The following ATP5MC2 variants were observed in gnomAD, a reference collection of about 807,000 sequenced individuals.
ATP5MC2 encodes the protein ATP synthase membrane subunit c locus 2.
A neutral mutation model predicts 13.5 loss-of-function variants in ATP5MC2; 11 were observed. The observed-to-expected ratio is 0.81, with a 90% confidence interval of 0.51 to 1.35. The LOEUF (loss-of-function observed/expected upper bound fraction) is 1.35. Ranked by LOEUF, ATP5MC2 falls within the 40% of genes most tolerant of loss-of-function variation. ATP5MC2 has a pLI of 0.00. For missense variants in ATP5MC2, 132 were observed against 175.0 expected, an observed-to-expected ratio of 0.75 and a Z score of 1.39; for synonymous variants, 64 against 69.7, an observed-to-expected ratio of 0.92 and a Z score of 0.41.
At chr12:53,680,236 T>G (rs1945333681), upstream of ATP5MC2, among the ~76,000 whole-genome samples, 1 of 152,202 alleles carries the variant, frequency 6.6e-6, no homozygotes, top group Non-Finnish European at 1.5e-5. Context: ...TCTGCCTACC[T>G]CAGCCTCCCA....
At chr12:53,669,751 G>T in intron 3 of ATP5MC2, 120 bp downstream of exon 3, 2 of 1,053,116 alleles carry the variant, frequency 1.9e-6, no homozygotes, top group Non-Finnish European at 2.9e-6. Context: ...CCATGGCCTT[G>T]GCCATTCATG....
Position 53,676,018 on chromosome 12 carries a change from C to CGA in ATP5MC2, c.-32+34_-32+35insTC, listed in dbSNP as rs749030618. 2.1e-3 allele frequency: 3,354 copies of CGA among 1,602,014 alleles called. 61 individuals are homozygous for CGA. The African/African-American group carries it at 0.04, about 19-fold the overall frequency. On this transcript the variant is annotated intron_variant, in intron 1 of 4. Coordinates refer to ENST00000394349, the MANE Select transcript of ATP5MC2 (RefSeq NM_005176.7). ...AGGTGAGGTGTCCCGCGCGCGTGCG[C>CGA]AGCGCACAGAGGGCTCTAGGTCCCA...
At position 53,669,317 on chromosome 12, in the gene ATP5MC2, A is replaced by G. The variant is rs767073937; in HGVS notation, c.142T>C (p.Cys48Arg). 8.7e-6 allele frequency: 14 copies of G among 1,613,780 alleles called. No individual in the cohort carries two copies. The highest frequency in any genetic ancestry group is 2.7e-5 in the African/African-American group (2 of 75,024). ...CTAGAGACAAGTGAGGTAAGGGGACATGAGACTGCCAAGCTGCTGAGGCTC... is the reference window on the plus strand; with the variant it reads ...CTAGAGACAAGTGAGGTAAGGGGACGTGAGACTGCCAAGCTGCTGAGGCTC... ...DESLSSLAVS[C>R]PLTSLVSSRS... Residue 48 changes from cysteine (C) to arginine (R), a missense_variant, in exon 4 of 5, where the codon TGT (cysteine) becomes CGT (arginine). By Grantham distance (180) the Cys-to-Arg change is radical. Coordinates refer to ENST00000394349, the MANE Select transcript of ATP5MC2 (RefSeq NM_005176.7).
intron 1 of ATP5MC2, among the ~76,000 whole-genome samples, chr12:53,674,225 T>A (rs573830271): frequency 2.2e-4 from 33 of 152,236 alleles, no homozygotes; most frequent in Admixed American, 1.0e-3. Context: ...GCACCTGTAG[T>A]CCCAGCTACT....
At chr12:53,672,083 C>CAAAGAAAA (rs1945110704) in intron 2 of ATP5MC2, among the ~76,000 whole-genome samples, 1 of 47,186 alleles carries the variant, frequency 2.1e-5, no homozygotes, top group African/African-American at 9.1e-5. Flanking sequence ...AACTCTGTCT[C>CAAAGAAAA]AAAAAAAAAA....
chr12:53,675,579 G>T (rs1280529797), intron 1 of ATP5MC2, among the ~76,000 whole-genome samples: 2 of 152,156 alleles, frequency 1.3e-5, no homozygotes, highest in Admixed American at 1.3e-4. Context: ...TGACTAGAGG[G>T]ATTGGTGACT....
intron 4 of ATP5MC2, among the ~76,000 whole-genome samples, chr12:53,665,757 G>GA (rs1944895985): frequency 6.6e-6 from 1 of 152,154 alleles, no homozygotes; most frequent in Non-Finnish European, 1.5e-5. Context: ...TAGGATGGAA[G>GA]GGTCTATCTA....
chr12:53,676,247 G>T, upstream of ATP5MC2: 1 of 1,589,410 alleles, frequency 6.3e-7, no homozygotes, highest in Non-Finnish European at 8.6e-7. Flanking sequence ...TCCACCTGGC[G>T]TTCGAGAGGA....
rs76321460 is a variant in ATP5MC2 at position 53,675,416 on chromosome 12, G to C, written c.-32+637C>G. Among the ~76,000 whole-genome samples the C allele has an allele frequency of 9.4e-3, 1,426 of 152,290 alleles. 23 individuals carry two copies. The highest frequency in any genetic ancestry group is 0.029 in the East Asian group (149 of 5,190). On this transcript the variant is annotated intron_variant, in intron 1 of 4. Coordinates refer to ENST00000394349, the MANE Select transcript of ATP5MC2 (RefSeq NM_005176.7). ...ACTTCACCAGCGTGCCGGGATGCGA[G>C]AAAGGTACTGGTAAATAACTAGTGA...
At chr12:53,677,559 G>T (rs1263633459), upstream of ATP5MC2, among the ~76,000 whole-genome samples, 1 of 152,212 alleles carries the variant, frequency 6.6e-6, no homozygotes, top group African/African-American at 2.4e-5. Context: ...TCCTGAAAGG[G>T]AGGGGAAGGA....
upstream of ATP5MC2, among the ~76,000 whole-genome samples, chr12:53,679,139 G>C (rs1444087963): frequency 6.6e-6 from 1 of 151,600 alleles, no homozygotes; most frequent in African/African-American, 2.4e-5. Context: ...ATGTTTCTTT[G>C]GACAAGAAAC....
chr12:53,676,129 C>A (rs746301307), upstream of ATP5MC2: 2 of 1,614,120 alleles, frequency 1.2e-6, no homozygotes, highest in Non-Finnish European at 1.7e-6. Flanking sequence ...CATGCGTGAC[C>A]CGGGCCAACG....
upstream of ATP5MC2, among the ~76,000 whole-genome samples, chr12:53,679,703 ATTG>A (rs1565631498): frequency 6.6e-6 from 1 of 152,160 alleles, no homozygotes; most frequent in Non-Finnish European, 1.5e-5. Flanking sequence ...TTTATTAGTG[ATTG>A]TTAATTTCAA....
At chr12:53,672,751 C>CA (rs1945140093) in intron 1 of ATP5MC2, 106 bp from the exon 2 acceptor site, 1 of 1,016,156 alleles carries the variant, frequency 9.8e-7, no homozygotes, top group Non-Finnish European at 1.5e-6. Flanking sequence ...AAAACAGTGA[C>CA]TGACCTTAAG....
At chr12:53,679,238 CGA>C (rs59340879), upstream of ATP5MC2, among the ~76,000 whole-genome samples, 25,154 of 127,442 alleles carry the variant, frequency 0.2, 2,567 homozygotes, top group Non-Finnish European at 0.25. Flanking sequence ...ATTTTAAAAA[CGA>C]GAGAGAGAGA....
In ATP5MC2 at chr12:53,669,250, G is replaced by A; in HGVS notation, c.209C>T (p.Thr70Ile). 1 of 1,614,086 alleles carries A rather than the reference G, an allele frequency of 6.2e-7. No homozygotes were observed. The highest frequency in any genetic ancestry group is 8.5e-7 in the Non-Finnish European group (1 of 1,179,990). ...QTSAISRDID[T>I]AAKFIGAGAA... Reference sequence around the variant, plus strand: ...CCCAGCTCCAATGAACTTGGCTGCTGTGTCGATGTCCCTTGAAATGGCGCT... The same window carrying A: ...CCCAGCTCCAATGAACTTGGCTGCTATGTCGATGTCCCTTGAAATGGCGCT... Residue 70 changes from threonine to isoleucine, a missense_variant, in exon 4 of 5, where the codon ACA (threonine) becomes ATA (isoleucine). Transcript: ENST00000394349.
At chr12:53,670,212 G>A in intron 2 of ATP5MC2, 1 of 473,600 alleles carries the variant, frequency 2.1e-6, no homozygotes, top group Non-Finnish European at 4.0e-6. Flanking sequence ...ATCCAACCTT[G>A]CTATATCCTT....
chr12:53,679,739 G>T (rs1044333215), upstream of ATP5MC2, among the ~76,000 whole-genome samples: 1 of 152,214 alleles, frequency 6.6e-6, no homozygotes, highest in Non-Finnish European at 1.5e-5. Context: ...TGATGGGCTG[G>T]TGGGAACTGA....
chr12:53,666,698 T>C (rs889337635), intron 4 of ATP5MC2, among the ~76,000 whole-genome samples: 3 of 151,498 alleles, frequency 2.0e-5, no homozygotes, highest in African/African-American at 7.3e-5. Flanking sequence ...AGGCAGAGGT[T>C]GCAGTGAGCT....
Sources: gnomAD v4.1 joint callset for allele counts (sites outside exome capture counted in the v4.1 genomes callset) on GRCh38, gnomAD v4.1.1 for gene constraint, MANE v1.5 for transcripts, NCBI Gene and HGNC (gene_info 2026-07-23, HGNC 2026-07-21) for gene names.